The following TENM4 variants were observed in gnomAD, a reference collection of about 807,000 sequenced individuals.
TENM4 encodes the protein teneurin transmembrane protein 4.
In TENM4, 82 loss-of-function variants were observed where a neutral mutation model predicts 243.3. The observed-to-expected ratio is 0.34, with a 90% CI of 0.28 to 0.40. The LOEUF (loss-of-function observed/expected upper bound fraction) is 0.40, where lower values mean the gene tolerates loss of function less well. Among genes scored for constraint, TENM4 ranks in the 10% least tolerant of loss-of-function variants. TENM4 has a pLI of 1.00. For missense variants in TENM4, 3,138 were observed against 3,673.3 expected (o/e 0.85, Z 3.77); for synonymous variants, 1,412 against 1,456.3 (o/e 0.97, Z 0.69).
At chr11:78,943,896 C>T (rs1856957114) in intron 6 of TENM4, among the ~76,000 whole-genome samples, 1 of 152,154 alleles carries the variant, frequency 6.6e-6, no homozygotes, top group African/African-American at 2.4e-5. Flanking sequence ...TGGGTATAGC[C>T]TTTTGGGAAA....
At chr11:79,070,986 C>G (rs1357358819) in intron 4 of TENM4, among the ~76,000 whole-genome samples, 2 of 152,238 alleles carry the variant, frequency 1.3e-5, no homozygotes, top group Admixed American at 1.3e-4. Flanking sequence ...ACAGTGTCTG[C>G]CCCATCCATC....
At chr11:79,133,793 G>T (rs1489911747) in intron 4 of TENM4, among the ~76,000 whole-genome samples, 4 of 152,078 alleles carry the variant, frequency 2.6e-5, no homozygotes, top group African/African-American at 4.8e-5. Context: ...ACAAAATTCA[G>T]CATCCCTTTA....
chr11:79,340,066 C>T (rs941066574), intron 1 of TENM4, among the ~76,000 whole-genome samples: 7 of 152,122 alleles, frequency 4.6e-5, no homozygotes, highest in Admixed American at 2.0e-4. Flanking sequence ...GCTGAAATAC[C>T]GAGGCCGCAA....
chr11:79,138,753 T>G (rs1307071668), intron 4 of TENM4, among the ~76,000 whole-genome samples: 1 of 112,550 alleles, frequency 8.9e-6, no homozygotes, highest in Non-Finnish European at 1.6e-5. Flanking sequence ...ACATACATTA[T>G]ATTTATATAA....
intron 3 of TENM4, among the ~76,000 whole-genome samples, chr11:79,183,700 A>T (rs1280117162): frequency 2.0e-5 from 3 of 152,180 alleles, no homozygotes; most frequent in Non-Finnish European, 2.9e-5. Context: ...TGAACCTAAG[A>T]CTTCTCTTGA....
At chr11:79,194,651 G>C (rs567667281) in intron 3 of TENM4, among the ~76,000 whole-genome samples, 37 of 152,284 alleles carry the variant, frequency 2.4e-4, no homozygotes, top group Admixed American at 6.5e-4. Flanking sequence ...GTATCTGGTG[G>C]AAGAAATTTC....
At chr11:79,294,147 G>A (rs1215180574) in intron 2 of TENM4, among the ~76,000 whole-genome samples, 2 of 152,122 alleles carry the variant, frequency 1.3e-5, no homozygotes, top group East Asian at 3.8e-4. Context: ...AAAATATAAA[G>A]TACTACAAAA....
intron 6 of TENM4, among the ~76,000 whole-genome samples, chr11:78,962,863 G>T (rs2136538989): frequency 6.6e-6 from 1 of 152,374 alleles, no homozygotes; most frequent in East Asian, 1.9e-4. Context: ...TCGTAAAAAG[G>T]TAGAGAGAGC....
chr11:79,127,329 T>C (rs1303398927), intron 4 of TENM4, among the ~76,000 whole-genome samples: 1 of 152,134 alleles, frequency 6.6e-6, no homozygotes, highest in Admixed American at 6.5e-5. Flanking sequence ...CACATTCCTG[T>C]TCAACTCTCT....
chr11:79,437,367 C>T (rs1161894192), intron 1 of TENM4, among the ~76,000 whole-genome samples: 1 of 152,210 alleles, frequency 6.6e-6, no homozygotes, highest in African/African-American at 2.4e-5. Context: ...GCAGAGCGCC[C>T]GGAGCGCGCT....
chr11:78,672,395 C>T (rs1858354696), intron 30 of TENM4, 66 bp from the exon 31 acceptor site: 8 of 1,537,316 alleles, frequency 5.2e-6, no homozygotes, highest in Admixed American at 1.8e-5. Context: ...TCTGATGGGC[C>T]ACGTTGCTCT....
intron 1 of TENM4, among the ~76,000 whole-genome samples, chr11:79,306,921 C>T (rs1174151979): frequency 6.6e-6 from 1 of 152,192 alleles, no homozygotes; most frequent in Non-Finnish European, 1.5e-5. Context: ...GACTCATCAT[C>T]ACCACCACTG....
chr11:79,287,391 T>C (rs1333782864), intron 2 of TENM4, among the ~76,000 whole-genome samples: 1 of 152,092 alleles, frequency 6.6e-6, no homozygotes, highest in Non-Finnish European at 1.5e-5. Context: ...CAGGGTCCAG[T>C]GAGAAAGCGT....
In TENM4 at chr11:79,147,203, T is replaced by C. The variant is rs553305079; in HGVS notation, c.-66+1507A>G. Among the ~76,000 whole-genome samples the C allele has an allele frequency of 1.2e-4, 18 of 152,250 alleles. No individual in the cohort carries two copies. The South Asian group carries it at 3.7e-3, about 32-fold the overall frequency. Reference sequence around the variant, plus strand: ...AGGCACATATATTTGTAGGAAACTTTACAGTTTACAAAACACTCAATCTCT... The same window carrying C: ...AGGCACATATATTTGTAGGAAACTTCACAGTTTACAAAACACTCAATCTCT... On this transcript the variant is annotated intron_variant, in intron 4 of 33. Transcript: ENST00000278550.
In TENM4 at chr11:79,069,902, G is replaced by A. The variant is rs1410637100; in HGVS notation, c.43C>T (p.Arg15Cys). Residue 15 changes from arginine (R) to cysteine (C), a missense_variant, in exon 5 of 34, where the codon CGC becomes TGC. Coordinates refer to ENST00000278550, the MANE Select transcript of TENM4 (RefSeq NM_001098816.3). ...GTGTAGCGGCGCTCGGCGTCGCGGC[G>A]CCGGGTCAGCGAGCGGTAAGGCTTC... ...ERKPYRSLTRRRDAERRYTSS... is the reference protein window; with the variant it reads ...ERKPYRSLTRCRDAERRYTSS... 6.5e-7 allele frequency: 1 copy of A among 1,547,792 alleles called. No individual in the cohort carries two copies. Among genetic ancestry groups the A allele is most frequent in the Non-Finnish European group, 8.7e-7 (1 of 1,146,670 alleles).
chr11:79,435,746 T>C (rs1277304659), intron 1 of TENM4, among the ~76,000 whole-genome samples: 1 of 152,182 alleles, frequency 6.6e-6, no homozygotes, highest in Non-Finnish European at 1.5e-5. Context: ...CTTCAACCTC[T>C]AGCACAATTA....
intron 1 of TENM4, among the ~76,000 whole-genome samples, chr11:79,360,925 C>G (rs1392702569): frequency 6.6e-6 from 1 of 152,168 alleles, no homozygotes. Context: ...ATGCCCTAAG[C>G]CTGTGATACA....
At chr11:79,327,062 T>C (rs1011794288) in intron 1 of TENM4, among the ~76,000 whole-genome samples, 1 of 152,228 alleles carries the variant, frequency 6.6e-6, no homozygotes, top group Admixed American at 6.5e-5. Flanking sequence ...AACTGAGTGA[T>C]ACTCAGGACT....
intron 1 of TENM4, among the ~76,000 whole-genome samples, chr11:79,300,994 C>A (rs914271899): frequency 2.0e-5 from 3 of 152,084 alleles, no homozygotes; most frequent in African/African-American, 7.2e-5. Context: ...GTTCTACCTC[C>A]TAAATACACC....
Sources: gnomAD v4.1 joint callset for allele counts (sites outside exome capture counted in the v4.1 genomes callset) on GRCh38, gnomAD v4.1.1 for gene constraint, MANE v1.5 for transcripts, NCBI Gene and HGNC (gene_info 2026-07-23, HGNC 2026-07-21) for gene names.